Variants in TNKS observed in about 807,000 individuals in gnomAD.
TNKS encodes poly [ADP-ribose] polymerase tankyrase-1.
A neutral mutation model predicts 135.8 loss-of-function variants in TNKS; 72 were observed. The observed-to-expected ratio is 0.53, with a 90% CI of 0.44 to 0.64. TNKS has a LOEUF of 0.64. Among genes scored for constraint, TNKS ranks in the 30% least tolerant of loss-of-function variants. The pLI, the probability that TNKS is intolerant of heterozygous loss-of-function variation, is 0.00. For synonymous variants in TNKS, 849 were observed against 649.3 expected (o/e 1.31, Z -4.68); for missense variants, 1,769 against 1,674.0 (o/e 1.06, Z -0.99).
intron 20 of TNKS, among the ~76,000 whole-genome samples, chr8:9,761,106 G>A (rs1038964343): frequency 7.9e-5 from 12 of 152,130 alleles, no homozygotes; most frequent in South Asian, 2.1e-4. Context: ...TGTGCTGAAC[G>A]CCTCTCCCTT....
At chr8:9,708,285 T>C in intron 8 of TNKS, 86 bp from the exon 9 acceptor site, 1 of 1,171,538 alleles carries the variant, frequency 8.5e-7, no homozygotes, top group Non-Finnish European at 1.2e-6. Context: ...CATAAAATAA[T>C]AATATTCCTA....
Position 9,556,234 on chromosome 8 carries a change from G to A in TNKS, c.295G>A (p.Val99Ile), listed in dbSNP as rs1238249935. 2.5e-6 allele frequency: 4 copies of A among 1,614,172 alleles called. No homozygotes were observed. Among genetic ancestry groups the A allele is most frequent in the South Asian group, 2.2e-5 (2 of 91,092 alleles). ...CAGTACCACCAGCACAATCTGTACC[G>A]TCGCCGCCGCTCCCGTGGTCCCAGC... ...CCSTTSTICTVAAAPVVPAVS... is the reference protein window; with the variant it reads ...CCSTTSTICTIAAAPVVPAVS... The change falls in exon 1 of 27, where the codon GTC (valine) becomes ATC (isoleucine). Residue 99 changes from valine (V) to isoleucine (I), a missense_variant. Val to Ile is a conservative substitution (Grantham distance 29). Around this residue, in one of 5 missense-constraint regions of TNKS, gnomAD observed 450 missense variants for 304.9 expected, o/e 1.48. Coordinates refer to ENST00000310430, the MANE Select transcript of TNKS (RefSeq NM_003747.3).
At chr8:9,638,372 A>G (rs1366545096) in intron 3 of TNKS, among the ~76,000 whole-genome samples, 2 of 152,274 alleles carry the variant, frequency 1.3e-5, no homozygotes, top group African/African-American at 4.8e-5. Context: ...GCCAAATGTT[A>G]TGGTGAAATG....
intron 26 of TNKS, among the ~76,000 whole-genome samples, chr8:9,775,302 A>G (rs999228944): frequency 5.3e-5 from 8 of 151,804 alleles, no homozygotes; most frequent in Non-Finnish European, 1.0e-4. Context: ...CACAAAAATA[A>G]AAGTACAGAC....
chr8:9,559,021 G>A (rs1188859402), intron 1 of TNKS, among the ~76,000 whole-genome samples: 1 of 152,110 alleles, frequency 6.6e-6, no homozygotes, highest in African/African-American at 2.4e-5. Flanking sequence ...CAATCCCTTG[G>A]ATGGAAAAAT....
chr8:9,625,221 GT>G (rs1800012736), intron 3 of TNKS, among the ~76,000 whole-genome samples: 1 of 151,338 alleles, frequency 6.6e-6, no homozygotes, highest in South Asian at 2.1e-4. Context: ...GTTGTTTTTA[GT>G]TTCTTTTTAT....
At chr8:9,753,564 G>A (rs941147070) in intron 20 of TNKS, among the ~76,000 whole-genome samples, 1 of 152,166 alleles carries the variant, frequency 6.6e-6, no homozygotes, top group African/African-American at 2.4e-5. Context: ...TTGTAATATT[G>A]TATGCTTTCA....
At chr8:9,589,827 A>T (rs144632168) in intron 2 of TNKS, among the ~76,000 whole-genome samples, 2 of 152,244 alleles carry the variant, frequency 1.3e-5, no homozygotes, top group African/African-American at 2.4e-5. Flanking sequence ...CATGCCTTCA[A>T]CGAAGATCTT....
rs1231496892 is a variant in TNKS at position 9,776,924 on chromosome 8, T to A, written c.*188T>A. On this transcript the variant is annotated 3_prime_UTR_variant, in exon 27 of 27. Transcript: ENST00000310430. ...CTGATACATACTCAACTGCTACTGT[T>A]CCCTTTGAGGAAATGTTTACAGGGG... 7.4e-6 allele frequency: 4 copies of A among 539,174 alleles called. No individual in the cohort carries two copies. The South Asian group carries it at 8.8e-5, about 12-fold the overall frequency. The allele number at this position is 539,174 out of a possible 1,614,324, so 33.4% of individuals were successfully genotyped here.
At chr8:9,653,387 A>G (rs774580426) in intron 3 of TNKS, among the ~76,000 whole-genome samples, 52 of 152,142 alleles carry the variant, frequency 3.4e-4, no homozygotes, top group Non-Finnish European at 6.2e-4. Context: ...AATAATCAAG[A>G]CTGGGTAATT....
At chr8:9,561,296 T>C (rs1797322933) in intron 1 of TNKS, among the ~76,000 whole-genome samples, 2 of 152,230 alleles carry the variant, frequency 1.3e-5, no homozygotes, top group East Asian at 1.9e-4. Flanking sequence ...CAAATGCAGA[T>C]ACATGTGTAA....
chr8:9,763,029 A>G (rs898373375), intron 21 of TNKS, 118 bp from the exon 22 acceptor site: 3 of 437,490 alleles, frequency 6.9e-6, no homozygotes, highest in Non-Finnish European at 1.2e-5. Flanking sequence ...CAGATAGTTT[A>G]GGTTTGTTCC....
At chr8:9,772,831 CTG>C (rs71201974) in intron 26 of TNKS, among the ~76,000 whole-genome samples, 10,531 of 118,966 alleles carry the variant, frequency 0.089, 439 homozygotes, top group South Asian at 0.15. Context: ...GTGTGTGTGT[CTG>C]TGTGTGTGTG....
chr8:9,658,690 A>G (rs1275044058), intron 3 of TNKS, among the ~76,000 whole-genome samples: 1 of 152,240 alleles, frequency 6.6e-6, no homozygotes, highest in Non-Finnish European at 1.5e-5. Context: ...TGAGCAAAAT[A>G]ACTAGCTAAC....
chr8:9,659,838 A>G (rs1291801172), intron 3 of TNKS, among the ~76,000 whole-genome samples: 2 of 152,228 alleles, frequency 1.3e-5, no homozygotes, highest in African/African-American at 2.4e-5. Flanking sequence ...ATAAACCGCT[A>G]GCGAGACTAA....
intron 2 of TNKS, among the ~76,000 whole-genome samples, chr8:9,614,259 G>T (rs942194086): frequency 6.6e-6 from 1 of 152,170 alleles, no homozygotes; most frequent in Non-Finnish European, 1.5e-5. Flanking sequence ...TCTTGAATCA[G>T]TTTATAAACA....
At chr8:9,594,139 G>A (rs1010784287) in intron 2 of TNKS, among the ~76,000 whole-genome samples, 31 of 152,042 alleles carry the variant, frequency 2.0e-4, no homozygotes, top group African/African-American at 7.2e-4. Flanking sequence ...CACCTGCCTC[G>A]GCCTCCCAAA....
At chr8:9,711,050 T>G (rs762767655) in intron 11 of TNKS, among the ~76,000 whole-genome samples, 1 of 152,212 alleles carries the variant, frequency 6.6e-6, no homozygotes, top group East Asian at 1.9e-4. Context: ...GCAAACTGGT[T>G]GTTTTTTAGA....
chr8:9,714,417 A>G (rs938495981), intron 11 of TNKS, among the ~76,000 whole-genome samples: 4 of 152,068 alleles, frequency 2.6e-5, no homozygotes, highest in African/African-American at 9.7e-5. Flanking sequence ...TTATTTGTGA[A>G]TATGAGCCTT....
Sources: gnomAD v4.1 joint callset for allele counts (sites outside exome capture counted in the v4.1 genomes callset) on GRCh38, gnomAD v4.1.1 for gene constraint, gnomAD v4.1.1 regional missense constraint, MANE v1.5 for transcripts, NCBI Gene and HGNC (gene_info 2026-07-23, HGNC 2026-07-21) for gene names.